UNC5D: variants seen among roughly 807,000 people sequenced by gnomAD.
UNC5D encodes unc-5 netrin receptor D, also known as netrin receptor UNC5D.
In UNC5D, 39 loss-of-function variants were observed where a neutral mutation model predicts 105.4. That is an observed-to-expected ratio of 0.37 (90% CI 0.29 to 0.48). The LOEUF (loss-of-function observed/expected upper bound fraction) is 0.48. Ranked by LOEUF, UNC5D falls within the 20% of genes least tolerant of loss-of-function variation. The pLI, the probability that UNC5D is intolerant of heterozygous loss-of-function variation, is 0.98. For missense variants in UNC5D, 991 were observed against 1,202.4 expected (o/e 0.82, Z 2.60); for synonymous variants, 452 against 450.4 (o/e 1.00, Z -0.04).
chr8:35,371,733 C>T (rs1489328836), intron 1 of UNC5D, among the ~76,000 whole-genome samples: 1 of 152,182 alleles, frequency 6.6e-6, no homozygotes, highest in Non-Finnish European at 1.5e-5. Context: ...CACCCTCCTA[C>T]AATTCTGGGT....
intron 1 of UNC5D, among the ~76,000 whole-genome samples, chr8:35,314,400 T>C (rs1247450373): frequency 6.6e-6 from 1 of 152,162 alleles, no homozygotes; most frequent in Non-Finnish European, 1.5e-5. Context: ...CCTACTTCCA[T>C]TCAATTTTTG....
At chr8:35,555,402 A>T (rs979107692) in intron 2 of UNC5D, among the ~76,000 whole-genome samples, 2 of 152,248 alleles carry the variant, frequency 1.3e-5, no homozygotes, top group African/African-American at 4.8e-5. Flanking sequence ...CATCCTTAGC[A>T]GTGACAGAAA....
chr8:35,557,602 A>G (rs982629757), intron 2 of UNC5D, among the ~76,000 whole-genome samples: 10 of 152,160 alleles, frequency 6.6e-5, no homozygotes, highest in Admixed American at 2.0e-4. Context: ...GTACGGTTCC[A>G]TGACATTTCT....
intron 1 of UNC5D, among the ~76,000 whole-genome samples, chr8:35,314,641 A>G (rs1168905608): frequency 6.6e-6 from 1 of 152,198 alleles, no homozygotes; most frequent in Non-Finnish European, 1.5e-5. Context: ...ACGTTTATTT[A>G]AAGACATTTC....
At chr8:35,678,422 A>G (rs1825420975) in intron 4 of UNC5D, among the ~76,000 whole-genome samples, 1 of 152,206 alleles carries the variant, frequency 6.6e-6, no homozygotes, top group Non-Finnish European at 1.5e-5. Flanking sequence ...CTACATGATA[A>G]ATAAAAGAGA....
At chr8:35,315,304 G>C (rs1406377) in intron 1 of UNC5D, among the ~76,000 whole-genome samples, 124,804 of 152,156 alleles carry the variant, frequency 0.82, 51,643 homozygotes, top group East Asian at 1. Flanking sequence ...CAGGGTGATT[G>C]TTCCCCTATG....
At chr8:35,446,538 T>A (rs984670627) in intron 1 of UNC5D, among the ~76,000 whole-genome samples, 18 of 152,108 alleles carry the variant, frequency 1.2e-4, no homozygotes, top group African/African-American at 4.3e-4. Context: ...TCATTCCTTG[T>A]CATTCTTTAA....
At chr8:35,451,465 G>T (rs901148400) in intron 1 of UNC5D, among the ~76,000 whole-genome samples, 3 of 152,050 alleles carry the variant, frequency 2.0e-5, no homozygotes, top group South Asian at 2.1e-4. Context: ...CTTTACAATG[G>T]TCCAAAGTGG....
chr8:35,247,282 T>A (rs967485649), intron 1 of UNC5D, among the ~76,000 whole-genome samples: 13 of 151,336 alleles, frequency 8.6e-5, no homozygotes, highest in African/African-American at 3.2e-4. Flanking sequence ...AGAGATTTTT[T>A]TTTTTTCCTT....
chr8:35,272,391 G>A (rs900383802), intron 1 of UNC5D, among the ~76,000 whole-genome samples: 1 of 152,140 alleles, frequency 6.6e-6, no homozygotes, highest in African/African-American at 2.4e-5. Context: ...AGCTCTGAGG[G>A]GAAGAGAAGA....
chr8:35,333,793 A>G (rs1012569217), intron 1 of UNC5D, among the ~76,000 whole-genome samples: 3 of 152,138 alleles, frequency 2.0e-5, no homozygotes, highest in African/African-American at 7.2e-5. Flanking sequence ...GTTTGTTTTA[A>G]TCATGATTTG....
chr8:35,300,274 G>T (rs926809450), intron 1 of UNC5D, among the ~76,000 whole-genome samples: 3 of 151,194 alleles, frequency 2.0e-5, no homozygotes, highest in Non-Finnish European at 4.4e-5. Context: ...ATGGCAAAAC[G>T]CCATCTCTAC....
intron 1 of UNC5D, among the ~76,000 whole-genome samples, chr8:35,376,596 G>A (rs1254116386): frequency 1.3e-5 from 2 of 152,184 alleles, no homozygotes; most frequent in African/African-American, 4.8e-5. Context: ...TAAAAAGAGA[G>A]TTGATGAAAA....
In UNC5D at chr8:35,235,581, A is replaced by C; in HGVS notation, c.-204A>C. ...CGGCAGCGGTCGCCGCGCCGTGGGA[A>C]GCTATGGGGACGCGCCCTTTCTCGG... On this transcript the variant is annotated 5_prime_UTR_variant, in exon 1 of 17. Coordinates refer to ENST00000404895, the MANE Select transcript of UNC5D (RefSeq NM_080872.4). 18 of 378,420 alleles carry C rather than the reference A, an allele frequency of 4.8e-5. No individual in the cohort carries two copies. The highest frequency in any genetic ancestry group is 8.0e-5 in the East Asian group (2 of 25,018). 23.4% of individuals were successfully genotyped at this position (378,420 alleles called of 1,614,324 possible).
At chr8:35,403,947 A>G (rs1044713856) in intron 1 of UNC5D, among the ~76,000 whole-genome samples, 3 of 152,120 alleles carry the variant, frequency 2.0e-5, no homozygotes, top group Admixed American at 6.6e-5. Flanking sequence ...CCACCAAGTC[A>G]TATCTCATGC....
intron 1 of UNC5D, among the ~76,000 whole-genome samples, chr8:35,527,433 T>G (rs535268617): frequency 1.1e-4 from 17 of 152,306 alleles, no homozygotes; most frequent in South Asian, 4.1e-4. Flanking sequence ...ACAAAAGTAC[T>G]GGAAGATTCT....
At chr8:35,401,072 C>G (rs1244368316) in intron 1 of UNC5D, among the ~76,000 whole-genome samples, 1 of 152,066 alleles carries the variant, frequency 6.6e-6, no homozygotes, top group Non-Finnish European at 1.5e-5. Flanking sequence ...CAATGACAGC[C>G]TAGAGTAACT....
chr8:35,516,292 A>T (rs1462800428), intron 1 of UNC5D, among the ~76,000 whole-genome samples: 3 of 152,326 alleles, frequency 2.0e-5, no homozygotes, highest in Admixed American at 6.5e-5. Flanking sequence ...TTTGATCATG[A>T]AGAGCATTTT....
intron 4 of UNC5D, among the ~76,000 whole-genome samples, chr8:35,616,321 T>G (rs368493260): frequency 6.6e-6 from 1 of 152,226 alleles, no homozygotes; most frequent in African/African-American, 2.4e-5. Context: ...CAGAGTCGGA[T>G]AGCATGCCTG....
Sources: gnomAD v4.1 joint callset for allele counts (sites outside exome capture counted in the v4.1 genomes callset) on GRCh38, gnomAD v4.1.1 for gene constraint, MANE v1.5 for transcripts, NCBI Gene and HGNC (gene_info 2026-07-23, HGNC 2026-07-21) for gene names.